EMILIN2: variants seen among roughly 807,000 people sequenced by gnomAD.
EMILIN2 encodes the protein elastin microfibril interfacer 2, also known as EMILIN-2.
EMILIN2 carries 71 observed loss-of-function variants against 87.1 expected under a neutral mutation model. That is an observed-to-expected ratio of 0.82 (90% CI 0.67 to 0.99). EMILIN2 has a LOEUF of 0.99. Among genes scored for constraint, EMILIN2 ranks in the 50% least tolerant of loss-of-function variants. EMILIN2 has a pLI of 0.00. For missense variants in EMILIN2, 1,407 were observed against 1,371.8 expected, an observed-to-expected ratio of 1.03 and a Z score of -0.40; for synonymous variants, 581 against 563.4, an observed-to-expected ratio of 1.03 and a Z score of -0.44.
chr18:2,880,898 G>A lies in EMILIN2; in HGVS notation c.258-4066G>A, dbSNP rs1215283347. On this transcript the variant is annotated intron_variant, in intron 2 of 7. Transcript: ENST00000254528. The surrounding 1 kb of genome is among the most constrained non-coding windows in gnomAD (Gnocchi z 4.1). ...GACTTGGGGACTTTTAGAAAGGTAC[G>A]AGCACCCTCCACCAATTAAGGTATA... Among the ~76,000 whole-genome samples, 1 of 152,162 alleles carries A rather than the reference G, an allele frequency of 6.6e-6. No individual in the cohort carries two copies. Among genetic ancestry groups the A allele is most frequent in the East Asian group, 1.9e-4 (1 of 5,192 alleles).
chr18:2,875,693 C>G (rs1361607081), intron 2 of EMILIN2, among the ~76,000 whole-genome samples: 5 of 152,218 alleles, frequency 3.3e-5, no homozygotes, highest in Non-Finnish European at 1.5e-5. Context: ...GGGTTGGGCG[C>G]AGCCTGCAGT....
intron 3 of EMILIN2, among the ~76,000 whole-genome samples, chr18:2,888,309 C>T (rs1246376015): frequency 6.6e-6 from 1 of 152,190 alleles, no homozygotes; most frequent in African/African-American, 2.4e-5. Flanking sequence ...CAAAGCATTT[C>T]CTTACATCCT....
At chr18:2,874,313 C>T (rs1183075970) in intron 2 of EMILIN2, among the ~76,000 whole-genome samples, 3 of 152,106 alleles carry the variant, frequency 2.0e-5, no homozygotes, top group Non-Finnish European at 4.4e-5. Flanking sequence ...CCTTAGCCTC[C>T]TGAGTGGCTA....
intron 2 of EMILIN2, among the ~76,000 whole-genome samples, chr18:2,865,113 T>C (rs2076679894): frequency 6.6e-6 from 1 of 152,174 alleles, no homozygotes; most frequent in Non-Finnish European, 1.5e-5. Flanking sequence ...TAGTTAGCCA[T>C]TTGTCTAATT....
chr18:2,847,157 C>T lies in EMILIN2; in HGVS notation c.-32C>T. 9.4e-7 allele frequency: 1 copy of T among 1,069,110 alleles called. No individual in the cohort carries two copies. The highest frequency in any genetic ancestry group is 1.1e-6 in the Non-Finnish European group (1 of 888,244). 66.2% of individuals were successfully genotyped at this position (1,069,110 alleles called of 1,614,324 possible). On this transcript the variant is annotated 5_prime_UTR_variant, in exon 1 of 8. Transcript: ENST00000254528. The surrounding 1 kb of genome is among the most constrained non-coding windows in gnomAD (Gnocchi z 4.5). ...GCCCCGATCCGCCGCGCTCCGGACC[C>T]GGGCAGGCGGGGCGCGCCCGCTGCG...
At chr18:2,893,551 A>T (rs900247498) in intron 4 of EMILIN2, among the ~76,000 whole-genome samples, 2 of 152,208 alleles carry the variant, frequency 1.3e-5, no homozygotes, top group Admixed American at 6.5e-5. Context: ...ATATGTAATA[A>T]GATTTTTTTG....
Position 2,913,070 on chromosome 18 carries a change from T to C in EMILIN2, c.2828T>C (p.Val943Ala), listed in dbSNP as rs1275504471. ...DGDVYNPSTG[V>A]FTAPYDGRYL... The stretch of plus-strand genomic sequence containing the variant: ...GGGTTTGCCTTTCTCCCCGCAGGGG[T>C]CTTCACGGCTCCTTATGATGGGCGC... The change falls in exon 8 of 8, where the codon GTC becomes GCC. Residue 943 changes from valine (V) to alanine (A), a missense_variant. Transcript: ENST00000254528. The C allele has an allele frequency of 3.1e-6, 5 of 1,606,744 alleles. No homozygotes were observed. The Admixed American group carries it at 8.4e-5, about 27-fold the overall frequency.
intron 2 of EMILIN2, among the ~76,000 whole-genome samples, chr18:2,869,521 G>A (rs960276810): frequency 4.6e-5 from 7 of 152,098 alleles, no homozygotes; most frequent in African/African-American, 1.7e-4. Context: ...AGTCATACAG[G>A]TTGTACTCTC....
At chr18:2,881,781 G>A (rs752741481) in intron 2 of EMILIN2, among the ~76,000 whole-genome samples, 2 of 152,238 alleles carry the variant, frequency 1.3e-5, no homozygotes, top group African/African-American at 2.4e-5. Flanking sequence ...CCAGCATTAT[G>A]CTCTACTTGA....
intron 2 of EMILIN2, among the ~76,000 whole-genome samples, chr18:2,849,141 G>C (rs553220940): frequency 6.6e-6 from 1 of 152,318 alleles, no homozygotes; most frequent in South Asian, 2.1e-4. Context: ...ATAAGGTACT[G>C]TCATCCAACC....
At chr18:2,852,087 G>C (rs2067609990) in intron 2 of EMILIN2, among the ~76,000 whole-genome samples, 1 of 152,160 alleles carries the variant, frequency 6.6e-6, no homozygotes, top group Admixed American at 6.5e-5. Context: ...CAACTACTAA[G>C]AGCATTTACA....
chr18:2,853,369 A>G (rs1433924613), intron 2 of EMILIN2, among the ~76,000 whole-genome samples: 2 of 152,084 alleles, frequency 1.3e-5, no homozygotes, highest in African/African-American at 4.8e-5. Flanking sequence ...CAGCCTCTGA[A>G]TCTGGACTCT....
Position 2,890,688 on chromosome 18 carries a change from AGAG to A in EMILIN2, c.565_567del (p.Glu189del), listed in dbSNP as rs764607642. ...TTCAGGAAAAGAAGATACAGGTGCT[AGAG>A]GAGAAGGTTCTTCGACTCACAAGGA... On this transcript the variant is annotated inframe_deletion, in exon 4 of 8. Coordinates refer to ENST00000254528, the MANE Select transcript of EMILIN2 (RefSeq NM_032048.3). This position sits in a 1 kb window ranked among gnomAD's most constrained non-coding sequence, Gnocchi z 4.7. 1.2e-6 allele frequency: 2 copies of A among 1,614,208 alleles called. No homozygotes were observed. Among genetic ancestry groups the A allele is most frequent in the Non-Finnish European group, 1.7e-6 (2 of 1,180,044 alleles).
At chr18:2,899,286 G>C (rs545731651) in intron 4 of EMILIN2, among the ~76,000 whole-genome samples, 5 of 152,170 alleles carry the variant, frequency 3.3e-5, no homozygotes, top group South Asian at 4.1e-4. Flanking sequence ...GAGGAGGTGG[G>C]GGGGAGGGAG....
At chr18:2,862,177 A>C (rs1337674585) in intron 2 of EMILIN2, among the ~76,000 whole-genome samples, 1 of 152,190 alleles carries the variant, frequency 6.6e-6, no homozygotes, top group Non-Finnish European at 1.5e-5. Flanking sequence ...TGTCATCTGC[A>C]AACAGGGACA....
At chr18:2,856,253 T>C (rs1045359909) in intron 2 of EMILIN2, among the ~76,000 whole-genome samples, 3 of 152,072 alleles carry the variant, frequency 2.0e-5, no homozygotes, top group Admixed American at 6.6e-5. Context: ...TTAAGTGAAA[T>C]TCTTAGAAAT....
chr18:2,871,256 T>G (rs904558411), intron 2 of EMILIN2, among the ~76,000 whole-genome samples: 7 of 152,162 alleles, frequency 4.6e-5, no homozygotes, highest in African/African-American at 1.7e-4. Flanking sequence ...CCCCCCTTTT[T>G]GTGGAGGATG....
At chr18:2,858,581 G>GTATATATATATATATA (rs1416903980) in intron 2 of EMILIN2, among the ~76,000 whole-genome samples, 9 of 64,810 alleles carry the variant, frequency 1.4e-4, no homozygotes, top group African/African-American at 7.5e-4. Flanking sequence ...GTGTGTGTGT[G>GTATATATATATATATA]TGTATATATA....
At chr18:2,912,329 C>T (rs1300714698) in intron 7 of EMILIN2, among the ~76,000 whole-genome samples, 1 of 152,176 alleles carries the variant, frequency 6.6e-6, no homozygotes, top group Non-Finnish European at 1.5e-5. Flanking sequence ...GCGTGAGCCA[C>T]CACGCATGGC....
Sources: gnomAD v4.1 joint callset for allele counts (sites outside exome capture counted in the v4.1 genomes callset) on GRCh38, gnomAD v4.1.1 for gene constraint, Gnocchi (gnomAD v3.1) non-coding constraint, MANE v1.5 for transcripts, NCBI Gene and HGNC (gene_info 2026-07-23, HGNC 2026-07-21) for gene names.